The following NGDN variants were observed in gnomAD, a reference collection of about 807,000 sequenced individuals.
NGDN encodes EIF4E-binding protein.
NGDN carries 41 observed loss-of-function variants against 45.2 expected under a neutral mutation model. That is an observed-to-expected ratio of 0.91 (90% confidence interval 0.71 to 1.18). The LOEUF is 1.18. Ranked by LOEUF, NGDN falls within the 50% of genes most tolerant of loss-of-function variation. The pLI is 0.00. For missense variants in NGDN, 402 were observed against 399.9 expected (o/e 1.01, Z -0.05); for synonymous variants, 137 against 130.9 (o/e 1.05, Z -0.32).
chr14:23,470,344 A>G, intron 2 of NGDN: 1 of 487,026 alleles, frequency 2.1e-6, no homozygotes, highest in South Asian at 2.5e-5. Context: ...TAAGGAAACC[A>G]GTGCTTGGAA....
intron 2 of NGDN, among the ~76,000 whole-genome samples, 191 bp from the exon 3 acceptor site, chr14:23,470,715 A>T (rs1182068438): frequency 4.3e-5 from 3 of 70,524 alleles, no homozygotes; most frequent in African/African-American, 1.3e-4. Context: ...TAAGAAGTGG[A>T]AAGTTTTTTT....
chr14:23,477,219 A>G lies in NGDN; in HGVS notation c.733A>G (p.Met245Val), dbSNP rs1566551930. 1 of 1,614,152 alleles carries G rather than the reference A, an allele frequency of 6.2e-7. No individual in the cohort carries two copies. ...DQHRINYEES[M>V]MVRLSVSKRE... is the part of the protein sequence containing the mutation. The stretch of plus-strand genomic sequence containing the variant: ...TGGCAGGATTAACTATGAGGAGAGC[A>G]TGATGGTGCGTTTGAGCGTCAGTAA... Residue 245 changes from methionine to valine, a missense_variant, in exon 9 of 11, where the codon ATG becomes GTG. By Grantham distance (21) the Met-to-Val change is conservative. Coordinates refer to ENST00000408901, the MANE Select transcript of NGDN (RefSeq NM_001042635.2).
At chr14:23,477,659 G>C in intron 10 of NGDN, 99 bp downstream of exon 10, 2 of 1,577,706 alleles carry the variant, frequency 1.3e-6, no homozygotes, top group African/African-American at 1.3e-5. Flanking sequence ...AAGCCCTGTA[G>C]TATCTCTTCC....
At chr14:23,472,041 T>C (rs539420664) in intron 3 of NGDN, among the ~76,000 whole-genome samples, 24 of 149,722 alleles carry the variant, frequency 1.6e-4, no homozygotes, top group African/African-American at 5.7e-4. Flanking sequence ...AAAAATTAGC[T>C]GGGCGCAGTG....
chr14:23,474,577 C>CG (rs1555340967), intron 3 of NGDN, among the ~76,000 whole-genome samples: 1 of 151,852 alleles, frequency 6.6e-6, no homozygotes, highest in Non-Finnish European at 1.5e-5. Flanking sequence ...ATATCCCCCC[C>CG]TACACACACA....
intron 3 of NGDN, among the ~76,000 whole-genome samples, chr14:23,472,303 C>T (rs1481049128): frequency 6.6e-6 from 1 of 151,768 alleles, no homozygotes; most frequent in Non-Finnish European, 1.5e-5. Flanking sequence ...CGAGACCAGC[C>T]TGGTCAACAT....
At chr14:23,472,159 TG>T (rs1893793642) in intron 3 of NGDN, among the ~76,000 whole-genome samples, 1 of 129,358 alleles carries the variant, frequency 7.7e-6, no homozygotes, top group African/African-American at 3.0e-5. Flanking sequence ...CACTGCAGCC[TG>T]GGCAACAGAG....
rs776331353 is a variant in NGDN at position 23,470,023 on chromosome 14, C to T, written c.13-19C>T. The T allele has an allele frequency of 6.2e-7, 1 of 1,613,028 alleles. No homozygotes were observed. Among genetic ancestry groups the T allele is most frequent in the Non-Finnish European group, 8.5e-7 (1 of 1,179,118 alleles). On this transcript the variant is annotated intron_variant, in intron 1 of 10. Coordinates refer to ENST00000408901, the MANE Select transcript of NGDN (RefSeq NM_001042635.2). ...GAGGAAAGAATGACTTTTCTTTACG[C>T]CTCCTCTCCCTTCTGTAGGGGGTGC...
Position 23,473,868 on chromosome 14 carries a change from A to G in NGDN, c.145-1303A>G, listed in dbSNP as rs554818645. On this transcript the variant is annotated intron_variant, in intron 3 of 10. Coordinates refer to ENST00000408901, the MANE Select transcript of NGDN (RefSeq NM_001042635.2). The stretch of plus-strand genomic sequence containing the variant: ...TCATACTTGTATTTACCCATAGAAT[A>G]TTTGGCTTAAATACAAAAAATTAGC... 1.2e-4 allele frequency among the ~76,000 whole-genome samples: 19 copies of G among 152,056 alleles called. No individual in the cohort carries two copies. The South Asian group carries it at 3.7e-3, about 30-fold the overall frequency.
intron 2 of NGDN, 55 bp from the exon 3 acceptor site, chr14:23,470,851 T>C: frequency 1.4e-6 from 2 of 1,395,966 alleles, no homozygotes; most frequent in Non-Finnish European, 9.8e-7. Context: ...TCTTCACAGT[T>C]TGCAGACATA....
intron 8 of NGDN, among the ~76,000 whole-genome samples, 198 bp downstream of exon 8, chr14:23,476,605 T>G (rs777912860): frequency 2.0e-5 from 3 of 152,194 alleles, no homozygotes; most frequent in Non-Finnish European, 2.9e-5. Flanking sequence ...CCCAACTGTT[T>G]AGTTCAAAGC....
At position 23,475,635 on chromosome 14, in the gene NGDN, CA is replaced by C. The variant is rs779984112; in HGVS notation, c.361del (p.Ser121AlafsTer17). On this transcript the variant is annotated frameshift_variant, in exon 5 of 11. Coordinates refer to ENST00000408901, the MANE Select transcript of NGDN (RefSeq NM_001042635.2). LOFTEE classifies it high-confidence loss of function. ...DKLIKTAVTGSLSENDPLRFK... is the reference protein window; with the variant it reads ...DKLIKTAVTGXLSENDPLRFK... ...AGCTGATCAAGACTGCAGTGACAGG[CA>C]GCCTTAGTAAGTGAGGAGACCATCA... 2 of 1,614,162 alleles carry C rather than the reference CA, an allele frequency of 1.2e-6. No homozygotes were observed. The highest frequency in any genetic ancestry group is 2.2e-5 in the South Asian group (2 of 91,092).
chr14:23,472,255 G>A (rs1893797785), intron 3 of NGDN, among the ~76,000 whole-genome samples: 1 of 151,620 alleles, frequency 6.6e-6, no homozygotes, highest in African/African-American at 2.4e-5. Context: ...CAGCACTTTG[G>A]GAGATTGTGG....
chr14:23,475,378 C>A, intron 4 of NGDN, 70 bp downstream of exon 4: 1 of 1,478,852 alleles, frequency 6.8e-7, no homozygotes, highest in Non-Finnish European at 9.2e-7. Context: ...CACACAGTAG[C>A]TCTCATTTAA....
intron 8 of NGDN, 85 bp from the exon 9 acceptor site, chr14:23,477,115 T>A: frequency 1.6e-6 from 2 of 1,283,562 alleles, no homozygotes; most frequent in Non-Finnish European, 2.2e-6. Context: ...GAACAAGAGA[T>A]GAGTAGATAC....
Position 23,476,148 on chromosome 14 carries a change from T to A in NGDN, c.540T>A (p.His180Gln). 6.2e-7 allele frequency: 1 copy of A among 1,614,180 alleles called. No individual in the cohort carries two copies. The highest frequency in any genetic ancestry group is 8.5e-7 in the Non-Finnish European group (1 of 1,180,022). ...TTCCTCCACGCTTGGTTCCAGTACATTATGGTATAAACTTTGGCTGCTGCC... is the reference window on the plus strand; with the variant it reads ...TTCCTCCACGCTTGGTTCCAGTACAATATGGTATAAACTTTGGCTGCTGCC... ...KYVPPRLVPV[H>Q]YDETEAEREK... The change falls in exon 7 of 11, where the codon CAT becomes CAA. Residue 180 changes from histidine (H) to glutamine (Q), a missense_variant. His to Gln is a conservative substitution (Grantham distance 24). Coordinates refer to ENST00000408901, the MANE Select transcript of NGDN (RefSeq NM_001042635.2).
intron 1 of NGDN, 58 bp from the exon 2 acceptor site, chr14:23,469,984 T>C: frequency 6.3e-7 from 1 of 1,586,372 alleles, no homozygotes; most frequent in Non-Finnish European, 8.6e-7. Context: ...GACGTTCCAC[T>C]TTCCTATAAT....
At chr14:23,477,828 G>A (rs1179934250) in intron 10 of NGDN, 179 bp from the exon 11 acceptor site, 15 of 1,472,458 alleles carry the variant, frequency 1.0e-5, no homozygotes, top group Non-Finnish European at 1.3e-5. Context: ...TCACTTGAAG[G>A]AACCATTATC....
intron 4 of NGDN, 61 bp from the exon 5 acceptor site, chr14:23,475,497 A>T: frequency 6.6e-7 from 1 of 1,523,770 alleles, no homozygotes; most frequent in East Asian, 2.2e-5. Context: ...TAATATAGGG[A>T]CTCTGGTGTG....
Sources: gnomAD v4.1 joint callset for allele counts (sites outside exome capture counted in the v4.1 genomes callset) on GRCh38, gnomAD v4.1.1 for gene constraint, MANE v1.5 for transcripts, NCBI Gene and HGNC (gene_info 2026-07-23, HGNC 2026-07-21) for gene names.